The following LMF1 variants were observed in gnomAD, a reference collection of about 807,000 sequenced individuals.
LMF1 encodes lipase maturation factor 1, also known as transmembrane protein 112.
In LMF1, 68 loss-of-function variants were observed where a neutral mutation model predicts 60.6. That is an observed-to-expected ratio of 1.12 (90% confidence interval 0.92 to 1.37). The LOEUF (loss-of-function observed/expected upper bound fraction) is 1.37, where lower values mean the gene tolerates loss of function less well. Ranked by LOEUF, LMF1 falls within the 40% of genes most tolerant of loss-of-function variation. LMF1 has a pLI of 0.00. For synonymous variants in LMF1, 418 were observed against 324.7 expected (o/e 1.29, Z -3.09); for missense variants, 948 against 767.2 (o/e 1.24, Z -2.78).
chr16:886,495 T>A (rs977692380), intron 5 of LMF1, among the ~76,000 whole-genome samples: 2 of 151,784 alleles, frequency 1.3e-5, no homozygotes, highest in Admixed American at 6.6e-5. Context: ...AAAACCACCC[T>A]GCAGCGGGCC....
intron 3 of LMF1, among the ~76,000 whole-genome samples, chr16:919,458 A>T (rs898219860): frequency 1.8e-4 from 19 of 103,504 alleles, no homozygotes; most frequent in Admixed American, 3.1e-4. Flanking sequence ...GGGAAAGCTC[A>T]TATCTCCAGC....
intron 10 of LMF1, among the ~76,000 whole-genome samples, chr16:868,461 G>T (rs1051382637): frequency 5.3e-5 from 8 of 152,142 alleles, no homozygotes; most frequent in Admixed American, 2.6e-4. Flanking sequence ...ACCCTGCGGG[G>T]CTCCCTCCTT....
At chr16:883,267 GGAGCTGCTCAGCAGAA>G (rs1408546720) in intron 5 of LMF1, among the ~76,000 whole-genome samples, 4 of 145,226 alleles carry the variant, frequency 2.8e-5, no homozygotes, top group Non-Finnish European at 4.5e-5. Flanking sequence ...AGGAGAAATA[GGAGCTGCTCAGCAGAA>G]GAGCTGCCCG....
intron 2 of LMF1, among the ~76,000 whole-genome samples, chr16:935,604 G>C (rs2071920300): frequency 6.7e-6 from 1 of 149,992 alleles, no homozygotes; most frequent in Admixed American, 6.7e-5. Flanking sequence ...TTTTAAGAAA[G>C]TTTATGAATT....
chr16:876,836 TCTTC>T (rs1366808431), intron 6 of LMF1, among the ~76,000 whole-genome samples: 1 of 151,950 alleles, frequency 6.6e-6, no homozygotes, highest in African/African-American at 2.4e-5. Flanking sequence ...AAACAGAGGA[TCTTC>T]CTTATCCATT....
intron 3 of LMF1, among the ~76,000 whole-genome samples, chr16:914,653 G>A: frequency 1.2e-4 from 3 of 24,852 alleles, no homozygotes; most frequent in East Asian, 1.2e-3. Context: ...CCCTCCTCAT[G>A]ACCATTGGTG....
intron 3 of LMF1, among the ~76,000 whole-genome samples, chr16:920,224 A>G (rs1018386320): frequency 6.6e-6 from 1 of 151,636 alleles, no homozygotes; most frequent in African/African-American, 2.4e-5. Context: ...GGCCCCCGAC[A>G]CGACATCCAC....
chr16:916,017 C>T (rs1596986520), intron 3 of LMF1, among the ~76,000 whole-genome samples: 1 of 152,246 alleles, frequency 6.6e-6, no homozygotes, highest in Non-Finnish European at 1.5e-5. Flanking sequence ...CCTCAGGACA[C>T]AGGGAGGGAC....
intron 1 of LMF1, among the ~76,000 whole-genome samples, chr16:970,114 C>A (rs2073009836): frequency 6.6e-6 from 1 of 152,222 alleles, no homozygotes; most frequent in South Asian, 2.1e-4. Flanking sequence ...TGCCCCCAGA[C>A]CTCCGCTGGG....
intron 2 of LMF1, among the ~76,000 whole-genome samples, chr16:940,850 TTTTG>T (rs1349909789): frequency 5.9e-5 from 9 of 152,338 alleles, no homozygotes; most frequent in African/African-American, 1.9e-4. Flanking sequence ...GTCTTCTTTT[TTTTG>T]TTTGTTTAGT....
At chr16:891,590 C>G (rs2151729763) in intron 5 of LMF1, among the ~76,000 whole-genome samples, 1 of 152,186 alleles carries the variant, frequency 6.6e-6, no homozygotes, top group East Asian at 1.9e-4. Context: ...GTCCACCCAG[C>G]TTTCCTGACC....
At position 964,659 on chromosome 16, in the gene LMF1, A is replaced by G. The variant is rs568065341; in HGVS notation, c.193+6129T>C. ...CCACTGAAAGCTCAGAACAAAACCA[A>G]CTGAGCAGGGTTTCAAGTATTCTTT... On this transcript the variant is annotated intron_variant, in intron 1 of 10. Coordinates refer to ENST00000262301, the MANE Select transcript of LMF1 (RefSeq NM_022773.4). Among the ~76,000 whole-genome samples, 5 of 152,312 alleles carry G rather than the reference A, an allele frequency of 3.3e-5. No homozygotes were observed. In the South Asian group the frequency reaches 1.0e-3, roughly 32 times the overall value.
At position 871,349 on chromosome 16, in the gene LMF1, G is replaced by T; in HGVS notation, c.898-8C>A. On this transcript the variant is annotated splice_region_variant and splice_polypyrimidine_tract_variant and intron_variant, in intron 6 of 10. Transcript: ENST00000262301. ...GCTGACGATGAGGACGGCCTGTGGA[G>T]ACGCCGCAGCTGAGTCTCGTGCAGG... is the stretch of plus-strand genomic sequence containing the variant. The T allele has an allele frequency of 1.2e-6, 2 of 1,611,550 alleles. No individual in the cohort carries two copies. The highest frequency in any genetic ancestry group is 1.7e-6 in the Non-Finnish European group (2 of 1,179,616).
chr16:869,532 C>A, intron 9 of LMF1: 1 of 571,030 alleles, frequency 1.8e-6, no homozygotes, highest in Non-Finnish European at 3.3e-6. Context: ...TCAATCGATC[C>A]TTCCTCCTCC....
At position 857,385 on chromosome 16, in the gene LMF1, G is replaced by A. The variant is rs543999624; in HGVS notation, c.1530-2679C>T. Among the ~76,000 whole-genome samples, 6 of 152,336 alleles carry A rather than the reference G, an allele frequency of 3.9e-5. No individual in the cohort carries two copies. The South Asian group carries it at 1.2e-3, about 32-fold the overall frequency. ...GATTTCTTGGTATCTTTGCCAGCAT[G>A]TGGGGTTGTTGCTACTTTTATTCCA... On this transcript the variant is annotated intron_variant, in intron 10 of 10. Transcript: ENST00000262301.
At chr16:951,130 C>CCAA (rs775833581) in intron 2 of LMF1, among the ~76,000 whole-genome samples, 8,033 of 57,166 alleles carry the variant, frequency 0.14, 2,225 homozygotes, top group South Asian at 0.23. Flanking sequence ...ACAGAGTCAG[C>CCAA]CGACAGAGTC....
chr16:919,994 TG>T (rs2071390231), intron 3 of LMF1, among the ~76,000 whole-genome samples: 1 of 151,762 alleles, frequency 6.6e-6, no homozygotes, highest in South Asian at 2.1e-4. Flanking sequence ...ACATCCACAC[TG>T]GCCCCAGCCT....
intron 6 of LMF1, among the ~76,000 whole-genome samples, chr16:877,682 G>A (rs2070031922): frequency 6.6e-6 from 1 of 152,192 alleles, no homozygotes; most frequent in Non-Finnish European, 1.5e-5. Flanking sequence ...GCAGTGCGCG[G>A]GGTGGCGGGC....
At chr16:966,885 AACTGTAATTAC>A (rs2072935809) in intron 1 of LMF1, among the ~76,000 whole-genome samples, 1 of 152,228 alleles carries the variant, frequency 6.6e-6, no homozygotes, top group Admixed American at 6.5e-5. Flanking sequence ...AATTCTGACC[AACTGTAATTAC>A]ACTGTTTCCA....
Sources: gnomAD v4.1 joint callset for allele counts (sites outside exome capture counted in the v4.1 genomes callset) on GRCh38, gnomAD v4.1.1 for gene constraint, MANE v1.5 for transcripts, NCBI Gene and HGNC (gene_info 2026-07-23, HGNC 2026-07-21) for gene names.